VPS13B: variants seen among roughly 807,000 people sequenced by gnomAD.
VPS13B encodes the protein intermembrane lipid transfer protein VPS13B.
In VPS13B, 285 loss-of-function variants were observed where a neutral mutation model predicts 426.4. The observed-to-expected ratio is 0.67, with a 90% confidence interval of 0.61 to 0.74. The LOEUF is 0.74. VPS13B is among the 30% of genes least tolerant of loss of function. The pLI, the probability that VPS13B is intolerant of heterozygous loss-of-function variation, is 0.00. For missense variants in VPS13B, 4,537 were observed against 4,782.6 expected, an observed-to-expected ratio of 0.95 and a Z score of 1.51; for synonymous variants, 1,676 against 1,676.4, an observed-to-expected ratio of 1.00 and a Z score of 0.01.
chr8:99,715,040 A>G (rs1040067185), intron 36 of VPS13B, among the ~76,000 whole-genome samples: 2 of 152,252 alleles, frequency 1.3e-5, no homozygotes, highest in Admixed American at 6.5e-5. Flanking sequence ...AACATTATAC[A>G]GTATGTTTTT....
At chr8:99,470,283 T>C (rs1819335920) in intron 24 of VPS13B, among the ~76,000 whole-genome samples, 1 of 152,054 alleles carries the variant, frequency 6.6e-6, no homozygotes, top group Admixed American at 6.6e-5. Flanking sequence ...CTAGGAAAAA[T>C]TCAAAAACAA....
rs151337028 is a variant in VPS13B at position 99,013,740 on chromosome 8, T to C, written c.-29-20T>C. The C allele has an allele frequency of 6.2e-7, 1 of 1,612,508 alleles. No homozygotes were observed. Among genetic ancestry groups the C allele is most frequent in the African/African-American group, 1.3e-5 (1 of 74,982 alleles). ...TTCACTCTACCGCCGACTTCTAACG[T>C]TTCTGTCTACTCCTTTCAGCTTCCG... On this transcript the variant is annotated intron_variant, in intron 1 of 61. Transcript: ENST00000357162.
chr8:99,275,787 T>C (rs2133001260), intron 19 of VPS13B, among the ~76,000 whole-genome samples: 1 of 152,262 alleles, frequency 6.6e-6, no homozygotes, highest in African/African-American at 2.4e-5. Flanking sequence ...ACCTCTCATG[T>C]TGAGAGAAGG....
chr8:99,545,991 A>C (rs1484781275), intron 30 of VPS13B, among the ~76,000 whole-genome samples: 1 of 152,100 alleles, frequency 6.6e-6, no homozygotes, highest in Non-Finnish European at 1.5e-5. Context: ...TTGCAAATTA[A>C]GTTATTCATA....
intron 30 of VPS13B, among the ~76,000 whole-genome samples, chr8:99,555,816 AG>A (rs1376761616): frequency 6.6e-6 from 1 of 152,150 alleles, no homozygotes; most frequent in Non-Finnish European, 1.5e-5. Context: ...AACTCTATAT[AG>A]GGCAGTAAAC....
intron 25 of VPS13B, among the ~76,000 whole-genome samples, chr8:99,495,420 T>A (rs1820833868): frequency 6.6e-6 from 1 of 152,222 alleles, no homozygotes; most frequent in Non-Finnish European, 1.5e-5. Context: ...TATCTGAACT[T>A]CTTTAGAGTT....
intron 19 of VPS13B, among the ~76,000 whole-genome samples, chr8:99,363,834 C>T (rs1588294726): frequency 6.6e-6 from 1 of 152,160 alleles, no homozygotes; most frequent in South Asian, 2.1e-4. Context: ...TGCAGCTTTA[C>T]TGAATTTATC....
intron 29 of VPS13B, among the ~76,000 whole-genome samples, chr8:99,515,978 C>T (rs1048071085): frequency 1.3e-5 from 2 of 151,906 alleles, no homozygotes; most frequent in Non-Finnish European, 2.9e-5. Context: ...TTTTTGTGTT[C>T]AGCCTTTGCA....
intron 42 of VPS13B, among the ~76,000 whole-genome samples, chr8:99,781,024 T>G (rs1481527161): frequency 6.6e-6 from 1 of 152,202 alleles, no homozygotes; most frequent in Non-Finnish European, 1.5e-5. Flanking sequence ...GTGATTTTAG[T>G]TCTCCACATA....
intron 8 of VPS13B, among the ~76,000 whole-genome samples, chr8:99,126,581 GACA>G (rs1707822944): frequency 2.6e-5 from 4 of 152,224 alleles, no homozygotes; most frequent in African/African-American, 7.2e-5. Context: ...CAAGGATTAT[GACA>G]GTGGTAGTGT....
Position 99,402,786 on chromosome 8 carries a change from G to A in VPS13B, c.3082+11082G>A, listed in dbSNP as rs146088951. 1.5e-3 allele frequency among the ~76,000 whole-genome samples: 224 copies of A among 152,342 alleles called. 1 individual carries two copies. Among genetic ancestry groups the A allele is most frequent in the Non-Finnish European group, 2.4e-3 (166 of 68,028 alleles). On this transcript the variant is annotated intron_variant, in intron 21 of 61. Transcript: ENST00000357162. ...GCTAGGAAGGCAATGAAGTTGAACA[G>A]CTCTTGAAGAAGTAAGCCTGAGAAA...
intron 20 of VPS13B, among the ~76,000 whole-genome samples, chr8:99,385,415 T>G (rs909207019): frequency 2.0e-5 from 3 of 152,218 alleles, no homozygotes; most frequent in Admixed American, 6.5e-5. Context: ...CACAATTTTA[T>G]AATTATGTAA....
At chr8:99,691,525 TA>T (rs1831664341) in intron 35 of VPS13B, among the ~76,000 whole-genome samples, 1 of 152,032 alleles carries the variant, frequency 6.6e-6, no homozygotes, top group South Asian at 2.1e-4. Flanking sequence ...CAACTAGCTG[TA>T]AACAAGACTC....
intron 24 of VPS13B, among the ~76,000 whole-genome samples, chr8:99,479,609 TC>T (rs377315570): frequency 1.8e-4 from 28 of 152,162 alleles, no homozygotes; most frequent in African/African-American, 6.3e-4. Flanking sequence ...CTCCCATTCC[TC>T]CCCATCACAG....
At chr8:99,851,169 T>C (rs1488116708) in intron 55 of VPS13B, among the ~76,000 whole-genome samples, 1 of 152,206 alleles carries the variant, frequency 6.6e-6, no homozygotes. Flanking sequence ...ACATTTTATC[T>C]AGGGCATAAA....
At chr8:99,188,367 G>A (rs1159302581) in intron 16 of VPS13B, among the ~76,000 whole-genome samples, 1 of 152,042 alleles carries the variant, frequency 6.6e-6, no homozygotes, top group Non-Finnish European at 1.5e-5. Flanking sequence ...TTCAGTTAAT[G>A]TAATATTTTA....
chr8:99,876,815 T>A lies in VPS13B; in HGVS notation c.*1149T>A, dbSNP rs1270205450. On this transcript the variant is annotated 3_prime_UTR_variant, in exon 62 of 62. Transcript: ENST00000357162. ...GGGGCTACAGCTTGTTACCTAGAAT[T>A]TTGAGATACTAAGAGAATGCAATTT... 1 of 152,180 alleles carries A rather than the reference T, an allele frequency of 6.6e-6. No homozygotes were observed. Among genetic ancestry groups the A allele is most frequent in the African/African-American group, 2.4e-5 (1 of 41,436 alleles). The allele number at this position is 152,180 out of a possible 1,614,324, so 9.4% of individuals were successfully genotyped here. A position where few individuals can be genotyped will look rare whatever the true frequency, so the allele number is the denominator to read the frequency against.
At chr8:99,699,360 A>G (rs1201367791) in intron 35 of VPS13B, among the ~76,000 whole-genome samples, 165 bp from the exon 36 acceptor site, 7 of 152,068 alleles carry the variant, frequency 4.6e-5, no homozygotes. Context: ...AACAACATGG[A>G]AAGAATCGTT....
intron 8 of VPS13B, among the ~76,000 whole-genome samples, chr8:99,123,348 A>G (rs966216582): frequency 1.3e-5 from 2 of 152,150 alleles, no homozygotes; most frequent in Non-Finnish European, 2.9e-5. Context: ...GAGTTCAAGA[A>G]ACAGCAAGGA....
Sources: gnomAD v4.1 joint callset for allele counts (sites outside exome capture counted in the v4.1 genomes callset) on GRCh38, gnomAD v4.1.1 for gene constraint, MANE v1.5 for transcripts, NCBI Gene and HGNC (gene_info 2026-07-23, HGNC 2026-07-21) for gene names.